Variants in RAP1GDS1 observed in about 807,000 individuals in gnomAD.
RAP1GDS1 encodes the protein Rap1 GTPase-GDP dissociation stimulator 1.
In RAP1GDS1, 35 loss-of-function variants were observed where a neutral mutation model predicts 71.1. The observed-to-expected ratio is 0.49, with a 90% CI of 0.38 to 0.65. The LOEUF is 0.65. Ranked by LOEUF, RAP1GDS1 falls within the 30% of genes least tolerant of loss-of-function variation. The pLI is 0.00. For synonymous variants in RAP1GDS1, 229 were observed against 243.1 expected (o/e 0.94, Z 0.54); for missense variants, 663 against 706.1 (o/e 0.94, Z 0.69).
chr4:98,309,645 A>G (rs1172098131), intron 2 of RAP1GDS1, among the ~76,000 whole-genome samples: 1 of 151,992 alleles, frequency 6.6e-6, no homozygotes, highest in Non-Finnish European at 1.5e-5. Context: ...CATTAAAAAT[A>G]TATAGATTCT....
intron 4 of RAP1GDS1, among the ~76,000 whole-genome samples, chr4:98,376,384 A>G (rs898918751): frequency 1.3e-5 from 2 of 152,054 alleles, no homozygotes; most frequent in African/African-American, 2.4e-5. Context: ...ATAATGTAAC[A>G]TGAAGGTATA....
rs749545511 is a variant in RAP1GDS1 at position 98,441,983 on chromosome 4, CT to C, written c.1697-5del. On this transcript the variant is annotated splice_region_variant and splice_polypyrimidine_tract_variant and intron_variant, in intron 14 of 14. Transcript: ENST00000408927. ...AGAATCATATCTGTTATTTTTTTGT[CT>C]TCCAGAATGTCTACACAAGGAAGTA... 53 of 1,612,312 alleles carry C rather than the reference CT, an allele frequency of 3.3e-5. 1 individual carries two copies. The highest frequency in any genetic ancestry group is 4.3e-5 in the Non-Finnish European group (51 of 1,179,366).
Position 98,285,238 on chromosome 4 carries a change from C to G in RAP1GDS1, c.5-8170C>G, listed in dbSNP as rs866962875. Among the ~76,000 whole-genome samples, 6 of 152,094 alleles carry G rather than the reference C, an allele frequency of 3.9e-5. No homozygotes were observed. The South Asian group carries it at 6.2e-4, about 16-fold the overall frequency. On this transcript the variant is annotated intron_variant, in intron 1 of 14. Transcript: ENST00000408927. ...TGTTAACTGAGTTTTTCTTTCATTT[C>G]AAATGAAGATAGCCTAAAAAGACAT...
intron 1 of RAP1GDS1, among the ~76,000 whole-genome samples, chr4:98,268,120 A>G (rs1261966251): frequency 1.3e-5 from 2 of 152,158 alleles, no homozygotes; most frequent in South Asian, 2.1e-4. Flanking sequence ...ATCATACGTC[A>G]TGATCAAGTG....
chr4:98,307,195 C>G (rs1034010909), intron 2 of RAP1GDS1, among the ~76,000 whole-genome samples: 9 of 151,512 alleles, frequency 5.9e-5, no homozygotes, highest in Admixed American at 4.6e-4. Context: ...ATACATATTT[C>G]TATCATGGAA....
chr4:98,287,342 C>T (rs1428423180), intron 1 of RAP1GDS1, among the ~76,000 whole-genome samples: 1 of 152,212 alleles, frequency 6.6e-6, no homozygotes, highest in Non-Finnish European at 1.5e-5. Flanking sequence ...GATTTAACCA[C>T]TTGGTGTAGA....
Position 98,373,918 on chromosome 4 carries a change from G to A in RAP1GDS1, c.362-5099G>A, listed in dbSNP as rs559098761. 3.9e-5 allele frequency among the ~76,000 whole-genome samples: 6 copies of A among 152,308 alleles called. No individual in the cohort carries two copies. In the South Asian group the frequency reaches 1.2e-3, roughly 32 times the overall value. ...CAGTTACTTAAGTGACTAATGGGCA[G>A]GTAGTGTATCTAGCATGAATACACC... On this transcript the variant is annotated intron_variant, in intron 4 of 14. Coordinates refer to ENST00000408927, the MANE Select transcript of RAP1GDS1 (RefSeq NM_001100427.2).
chr4:98,320,311 T>C (rs1731624462), intron 2 of RAP1GDS1, among the ~76,000 whole-genome samples: 1 of 152,208 alleles, frequency 6.6e-6, no homozygotes, highest in Admixed American at 6.5e-5. Flanking sequence ...GCCTAAAGTA[T>C]GTTTCTCTTT....
At chr4:98,427,653 C>T (rs1347511629) in intron 12 of RAP1GDS1, among the ~76,000 whole-genome samples, 1 of 152,016 alleles carries the variant, frequency 6.6e-6, no homozygotes, top group Non-Finnish European at 1.5e-5. Context: ...TAGGAATATT[C>T]CTAACCATGG....
At chr4:98,272,515 T>A (rs1427516144) in intron 1 of RAP1GDS1, among the ~76,000 whole-genome samples, 2 of 152,144 alleles carry the variant, frequency 1.3e-5, no homozygotes, top group African/African-American at 4.8e-5. Flanking sequence ...GGTTGTGCGA[T>A]CTGTGGTCGG....
chr4:98,363,196 A>G (rs1738996257), intron 4 of RAP1GDS1, among the ~76,000 whole-genome samples: 1 of 152,078 alleles, frequency 6.6e-6, no homozygotes, highest in Admixed American at 6.6e-5. Context: ...TTATAGAAGT[A>G]GAGTAATTGA....
chr4:98,398,812 A>C (rs774612052), intron 6 of RAP1GDS1, among the ~76,000 whole-genome samples: 1 of 152,184 alleles, frequency 6.6e-6, no homozygotes, highest in Non-Finnish European at 1.5e-5. Flanking sequence ...AAGGAGATCA[A>C]GAAGGCAATC....
intron 4 of RAP1GDS1, among the ~76,000 whole-genome samples, chr4:98,370,573 T>TC: frequency 6.6e-6 from 1 of 152,004 alleles, no homozygotes; most frequent in East Asian, 1.9e-4. Context: ...TAAAGCTTTT[T>TC]TTTTTTTTTT....
intron 1 of RAP1GDS1, among the ~76,000 whole-genome samples, chr4:98,285,327 TATTA>T (rs1725811645): frequency 6.6e-6 from 1 of 152,220 alleles, no homozygotes; most frequent in Admixed American, 6.5e-5. Context: ...CTTGAAGAGA[TATTA>T]ATTGACTGTT....
intron 6 of RAP1GDS1, among the ~76,000 whole-genome samples, chr4:98,403,485 C>T (rs1338546138): frequency 6.6e-6 from 1 of 151,982 alleles, no homozygotes; most frequent in African/African-American, 2.4e-5. Context: ...TTGAGGAACC[C>T]TGGAGGAGGA....
intron 4 of RAP1GDS1, among the ~76,000 whole-genome samples, chr4:98,372,335 G>A (rs12511262): frequency 0.021 from 3,143 of 152,096 alleles, 114 homozygotes; most frequent in Admixed American, 0.11. Context: ...GCTAATTTTT[G>A]TATGTTTTTT....
intron 1 of RAP1GDS1, among the ~76,000 whole-genome samples, chr4:98,266,718 G>A (rs2110222071): frequency 6.6e-6 from 1 of 152,238 alleles, no homozygotes; most frequent in South Asian, 2.1e-4. Flanking sequence ...TTTCATATGG[G>A]AGAAAGGTTG....
intron 1 of RAP1GDS1, among the ~76,000 whole-genome samples, chr4:98,268,909 C>A (rs911169754): frequency 1.3e-5 from 2 of 151,890 alleles, no homozygotes; most frequent in Non-Finnish European, 2.9e-5. Context: ...TCAATGTAAT[C>A]CCTATCAAAA....
chr4:98,349,174 CT>C (rs1736759951), intron 3 of RAP1GDS1, among the ~76,000 whole-genome samples: 1 of 152,174 alleles, frequency 6.6e-6, no homozygotes, highest in Non-Finnish European at 1.5e-5. Context: ...CCAGTTTCAG[CT>C]TTCTACATAT....
Sources: gnomAD v4.1 joint callset for allele counts (sites outside exome capture counted in the v4.1 genomes callset) on GRCh38, gnomAD v4.1.1 for gene constraint, MANE v1.5 for transcripts, NCBI Gene and HGNC (gene_info 2026-07-23, HGNC 2026-07-21) for gene names.